The following FHIT variants were observed in gnomAD, a reference collection of about 807,000 sequenced individuals.
FHIT encodes the protein bis(5'-adenosyl)-triphosphatase.
FHIT carries 19 observed loss-of-function variants against 17.9 expected under a neutral mutation model. The ratio of observed to expected loss-of-function variants is 1.06; its 90% confidence interval spans 0.74 to 1.56. The LOEUF is 1.56. FHIT is among the 40% of genes most tolerant of loss of function. FHIT has a pLI of 0.00. For synonymous variants in FHIT, 81 were observed against 69.7 expected (o/e 1.16, Z -0.81); for missense variants, 248 against 189.2 (o/e 1.31, Z -1.82).
At chr3:61,122,733 C>CA (rs2036494657) in intron 2 of FHIT, among the ~76,000 whole-genome samples, 1 of 152,062 alleles carries the variant, frequency 6.6e-6, no homozygotes. Flanking sequence ...TTTATGTGGA[C>CA]AACAAACATA....
At chr3:61,228,740 G>C (rs1041979320) in intron 1 of FHIT, among the ~76,000 whole-genome samples, 1 of 152,128 alleles carries the variant, frequency 6.6e-6, no homozygotes, top group Non-Finnish European at 1.5e-5. Context: ...ATCTCCAAGA[G>C]GACAACTAGA....
chr3:61,220,122 G>A (rs1477069960), intron 1 of FHIT, among the ~76,000 whole-genome samples: 3 of 152,130 alleles, frequency 2.0e-5, no homozygotes, highest in Non-Finnish European at 4.4e-5. Context: ...CAAGAATGAA[G>A]ACACCGAATA....
intron 5 of FHIT, among the ~76,000 whole-genome samples, chr3:60,086,566 G>A (rs955589895): frequency 6.6e-6 from 1 of 152,206 alleles, no homozygotes; most frequent in Non-Finnish European, 1.5e-5. Context: ...ACATACAATG[G>A]TTTCATGGGC....
intron 4 of FHIT, among the ~76,000 whole-genome samples, chr3:60,740,661 A>G (rs2042222482): frequency 6.6e-6 from 1 of 152,034 alleles, no homozygotes; most frequent in African/African-American, 2.4e-5. Flanking sequence ...AACATCTTTT[A>G]TTTTCCCCAG....
intron 5 of FHIT, among the ~76,000 whole-genome samples, chr3:60,185,303 T>G (rs987914608): frequency 6.6e-6 from 1 of 152,144 alleles, no homozygotes; most frequent in Non-Finnish European, 1.5e-5. Context: ...CCCAGAACCT[T>G]CAGTAACAAT....
chr3:61,046,696 G>A (rs1437486660), intron 2 of FHIT, among the ~76,000 whole-genome samples: 1 of 152,060 alleles, frequency 6.6e-6, no homozygotes, highest in Non-Finnish European at 1.5e-5. Context: ...ACAAAAAAGA[G>A]ACTTTTAGAC....
intron 5 of FHIT, among the ~76,000 whole-genome samples, chr3:60,316,628 A>G (rs1259002951): frequency 6.6e-6 from 1 of 152,184 alleles, no homozygotes; most frequent in East Asian, 1.9e-4. Context: ...TGCCATTTGC[A>G]TTGCTACAAA....
intron 5 of FHIT, among the ~76,000 whole-genome samples, chr3:60,180,691 T>C (rs2107439768): frequency 6.6e-6 from 1 of 152,338 alleles, no homozygotes; most frequent in South Asian, 2.1e-4. Context: ...GAGGTCTTCC[T>C]TTATAATTTG....
intron 2 of FHIT, among the ~76,000 whole-genome samples, chr3:61,154,098 G>T (rs575324869): frequency 1.3e-5 from 2 of 151,954 alleles, no homozygotes; most frequent in African/African-American, 2.4e-5. Context: ...ACCCCAAATC[G>T]CTGGCATTTT....
At chr3:59,766,865 G>C (rs1701821346) in intron 8 of FHIT, among the ~76,000 whole-genome samples, 2 of 152,220 alleles carry the variant, frequency 1.3e-5, no homozygotes, top group South Asian at 4.1e-4. Context: ...CTCTCTTTTT[G>C]ATTGATTTTG....
chr3:59,975,258 C>T (rs180789984), intron 7 of FHIT, among the ~76,000 whole-genome samples: 163 of 152,218 alleles, frequency 1.1e-3, no homozygotes, highest in Admixed American at 1.8e-3. Context: ...TAGCCAAAAG[C>T]TTGGGCCTCA....
At chr3:60,440,984 A>C (rs2030745210) in intron 5 of FHIT, among the ~76,000 whole-genome samples, 1 of 152,152 alleles carries the variant, frequency 6.6e-6, no homozygotes, top group Non-Finnish European at 1.5e-5. Context: ...AACTTGTGTG[A>C]TATAATAACA....
chr3:60,884,863 C>T (rs998340077), intron 3 of FHIT, among the ~76,000 whole-genome samples: 1 of 146,094 alleles, frequency 6.8e-6, no homozygotes, highest in Non-Finnish European at 1.5e-5. Context: ...CGTGTCTGTG[C>T]CATTTTAACT....
chr3:60,351,191 C>G (rs186369467), intron 5 of FHIT, among the ~76,000 whole-genome samples: 1 of 152,124 alleles, frequency 6.6e-6, no homozygotes, highest in African/African-American at 2.4e-5. Flanking sequence ...TGTTATATAG[C>G]GACAGCAAAC....
At chr3:60,319,565 G>A (rs1184970508) in intron 5 of FHIT, among the ~76,000 whole-genome samples, 1 of 152,146 alleles carries the variant, frequency 6.6e-6, no homozygotes, top group Non-Finnish European at 1.5e-5. Context: ...CCAAAGAAAT[G>A]TATCAGGTTT....
chr3:60,988,325 G>A (rs1350781569), intron 3 of FHIT, among the ~76,000 whole-genome samples: 1 of 152,196 alleles, frequency 6.6e-6, no homozygotes, highest in Non-Finnish European at 1.5e-5. Context: ...CCCCATTTGT[G>A]TGATAGGGTA....
chr3:60,568,588 C>T (rs1287065417), intron 4 of FHIT, among the ~76,000 whole-genome samples: 2 of 151,596 alleles, frequency 1.3e-5, no homozygotes, highest in Admixed American at 1.3e-4. Context: ...GCACATGTAC[C>T]CTGAAACTTA....
intron 5 of FHIT, among the ~76,000 whole-genome samples, chr3:60,179,398 T>C (rs1701824830): frequency 6.6e-6 from 1 of 152,240 alleles, no homozygotes; most frequent in Admixed American, 6.5e-5. Flanking sequence ...TTGAAATATC[T>C]GTCCTGTGTG....
intron 5 of FHIT, among the ~76,000 whole-genome samples, chr3:60,134,414 G>A (rs1699721811): frequency 6.6e-6 from 1 of 152,144 alleles, no homozygotes; most frequent in African/African-American, 2.4e-5. Context: ...AAGTAGAATG[G>A]TTATAATTCA....
Sources: allele counts gnomAD v4.1 joint callset (sites outside exome capture counted in the v4.1 genomes callset), GRCh38; gene constraint gnomAD v4.1.1; transcripts MANE v1.5; gene names NCBI Gene and HGNC (gene_info 2026-07-23, HGNC 2026-07-21).